The following ACOT11 variants were observed in gnomAD, a reference collection of about 807,000 sequenced individuals.
ACOT11 encodes acyl-coenzyme A thioesterase 11.
A neutral mutation model predicts 77.5 loss-of-function variants in ACOT11; 69 were observed. The ratio of observed to expected loss-of-function variants is 0.89; its 90% CI spans 0.73 to 1.09. ACOT11 has a LOEUF of 1.09. Ranked by LOEUF, ACOT11 falls within the 50% of genes least tolerant of loss-of-function variation. The pLI, the probability that ACOT11 is intolerant of heterozygous loss-of-function variation, is 0.00. For missense variants in ACOT11, 766 were observed against 813.7 expected (o/e 0.94, Z 0.71); for synonymous variants, 279 against 313.0 (o/e 0.89, Z 1.15).
chr1:54,625,594 A>G (rs949039974), intron 15 of ACOT11, among the ~76,000 whole-genome samples: 1 of 152,180 alleles, frequency 6.6e-6, no homozygotes, highest in East Asian at 1.9e-4. Context: ...TTTACTCTAC[A>G]GTTAAAGTCT....
At chr1:54,623,501 T>C (rs1644251531) in intron 15 of ACOT11, 7 of 808,052 alleles carry the variant, frequency 8.7e-6, no homozygotes, top group Middle Eastern at 4.6e-4. Context: ...CAGCACCTAA[T>C]TCTCCACCGG....
intron 5 of ACOT11, 130 bp downstream of exon 5, chr1:54,594,169 G>GGGAGCTGTGGATT: frequency 1.3e-6 from 1 of 773,192 alleles, no homozygotes; most frequent in Non-Finnish European, 2.0e-6. Context: ...GGAATCCACA[G>GGGAGCTGTGGATT]CTCCCTGAGG....
chr1:54,634,866 G>T (rs564772832), exon 17 of ACOT11: 3 of 556,014 alleles, frequency 5.4e-6, no homozygotes, highest in Non-Finnish European at 9.5e-6. Context: ...CAGCCACCCC[G>T]CTAAGAACAG....
Position 54,620,845 on chromosome 1 carries a change from CAAAAAAAA to C in ACOT11, c.1630-9864_1630-9857del, listed in dbSNP as rs767625864. ...CCTGGATGACACAAAGAGACTCTGTCAAAAAAAAAAAAAAAAAAAAAAAAAAAAAAAAG... is the reference window on the plus strand; with the variant it reads ...CCTGGATGACACAAAGAGACTCTGTCAAAAAAAAAAAAAAAAAAAAAAAAG... On this transcript the variant is annotated intron_variant, in intron 15 of 16. Coordinates refer to the ACOT11 transcript ENST00000371316. Among the ~76,000 whole-genome samples the C allele has an allele frequency of 0.016, 192 of 12,084 alleles. No homozygotes were observed. In the East Asian group the frequency reaches 0.18, roughly 11 times the overall value. 7.9% of individuals were successfully genotyped at this position (12,084 alleles called of 152,430 possible). A position where few individuals can be genotyped will look rare whatever the true frequency, so the allele number is the denominator to read the frequency against.
chr1:54,615,969 C>T (rs1358671387), intron 15 of ACOT11: 4 of 1,596,280 alleles, frequency 2.5e-6, no homozygotes, highest in East Asian at 2.2e-5. Flanking sequence ...CACATGCTGC[C>T]CCAGGGCCAG....
At chr1:54,593,554 C>A (rs932319904) in intron 4 of ACOT11, among the ~76,000 whole-genome samples, 9 of 151,438 alleles carry the variant, frequency 5.9e-5, no homozygotes, top group African/African-American at 2.2e-4. Context: ...CCCGCTGCAG[C>A]CTCCCAAAAT....
intron 1 of ACOT11, among the ~76,000 whole-genome samples, chr1:54,562,592 G>A (rs74420428): frequency 1.5e-5 from 2 of 137,442 alleles, no homozygotes; most frequent in African/African-American, 2.6e-5. Context: ...CGGGCGGAGA[G>A]GCTCCTCACT....
At chr1:54,600,519 T>C (rs1208841915) in intron 8 of ACOT11, among the ~76,000 whole-genome samples, 2 of 151,958 alleles carry the variant, frequency 1.3e-5, no homozygotes, top group Non-Finnish European at 2.9e-5. Context: ...CCCGTCTCTA[T>C]TAAATAAACA....
At chr1:54,556,580 T>C (rs1653264995) in intron 1 of ACOT11, among the ~76,000 whole-genome samples, 1 of 151,772 alleles carries the variant, frequency 6.6e-6, no homozygotes, top group African/African-American at 2.4e-5. Context: ...ATAGTTTTCA[T>C]TGTAGAGTTT....
chr1:54,563,789 G>A (rs999703821), intron 1 of ACOT11, among the ~76,000 whole-genome samples: 16 of 152,126 alleles, frequency 1.1e-4, no homozygotes, highest in Admixed American at 5.2e-4. Flanking sequence ...GCTTGGTGCC[G>A]TGGCTCATGC....
At chr1:54,560,999 A>G (rs902723392) in intron 1 of ACOT11, among the ~76,000 whole-genome samples, 1 of 151,756 alleles carries the variant, frequency 6.6e-6, no homozygotes, top group African/African-American at 2.4e-5. Flanking sequence ...CTGGGATTAC[A>G]AGGCAATCCG....
chr1:54,578,581 T>A (rs2100971571), intron 1 of ACOT11, among the ~76,000 whole-genome samples: 1 of 152,320 alleles, frequency 6.6e-6, no homozygotes, highest in South Asian at 2.1e-4. Context: ...ATTTTCAGAT[T>A]CTGCTCCACA....
chr1:54,630,772 G>C, exon 16 of ACOT11: 1 of 763,850 alleles, frequency 1.3e-6, no homozygotes, highest in Non-Finnish European at 2.4e-6. Flanking sequence ...AGCTGGTCTC[G>C]GCAAGTGGCT....
At chr1:54,616,842 AGTT>A (rs1306199902) in intron 15 of ACOT11, among the ~76,000 whole-genome samples, 2 of 152,198 alleles carry the variant, frequency 1.3e-5, no homozygotes, top group Non-Finnish European at 2.9e-5. Context: ...ACTACTATGT[AGTT>A]GATCATCCCC....
Position 54,607,924 on chromosome 1 carries a change from T to TGGGG in ACOT11, c.1503-18_1503-17insGGGG. ...CTGTGGCTGACCCCTGTCCCCTTGC[T>TGGGG]ACCCTTCCTTCACTCAGGGACCCCT... On this transcript the variant is annotated splice_polypyrimidine_tract_variant and intron_variant, in intron 14 of 15. Transcript: ENST00000343744. This position sits in a 1 kb window ranked among gnomAD's most constrained non-coding sequence, Gnocchi z 4.5. 1 of 1,613,612 alleles carries TGGGG rather than the reference T, an allele frequency of 6.2e-7. No individual in the cohort carries two copies. Among genetic ancestry groups the TGGGG allele is most frequent in the Non-Finnish European group, 8.5e-7 (1 of 1,179,794 alleles).
intron 15 of ACOT11, among the ~76,000 whole-genome samples, chr1:54,625,945 A>C (rs1439737162): frequency 6.7e-6 from 1 of 149,492 alleles, no homozygotes; most frequent in East Asian, 2.0e-4. Context: ...GTCTCAAAAA[A>C]AAAAAAAAGA....
At chr1:54,593,812 T>A in intron 4 of ACOT11, 129 bp from the exon 5 acceptor site, 1 of 746,974 alleles carries the variant, frequency 1.3e-6, no homozygotes, top group South Asian at 1.8e-5. Flanking sequence ...CTCCCAGACC[T>A]GGTAGGTGGT....
chr1:54,614,991 G>A (rs1644157830), downstream of ACOT11: 2 of 863,028 alleles, frequency 2.3e-6, no homozygotes, highest in Admixed American at 5.3e-5. Flanking sequence ...GAGGGCGGAA[G>A]GACCAGCACC....
rs1208295254 is a variant in ACOT11, at chr1:54,599,354, C to T, written c.823C>T (p.Pro275Ser). 2.5e-6 allele frequency: 4 copies of T among 1,609,366 alleles called. No homozygotes were observed. The highest frequency in any genetic ancestry group is 1.1e-5 in the South Asian group (1 of 90,622). The change falls in exon 8 of 16, where the codon CCG (proline) becomes TCG (serine). Residue 275 changes from proline to serine, a missense_variant. Physicochemically the swap from Pro to Ser is moderately conservative, Grantham distance 74. Coordinates refer to ENST00000343744, the MANE Select transcript of ACOT11 (RefSeq NM_147161.4). ...CATTGAAATGTTCCACTTCCGAGGC[C>T]CGTCCCAGGTCGGCGACCGTCTGGT... is the stretch of plus-strand genomic sequence containing the variant. ...KAIEMFHFRG[P>S]SQVGDRLVLK... is the part of the protein sequence containing the mutation.
Sources: allele counts gnomAD v4.1 joint callset (sites outside exome capture counted in the v4.1 genomes callset), GRCh38; gene constraint gnomAD v4.1.1; non-coding constraint Gnocchi (gnomAD v3.1); transcripts MANE v1.5; gene names NCBI Gene and HGNC (gene_info 2026-07-23, HGNC 2026-07-21).